RIPK1: variants seen among roughly 807,000 people sequenced by gnomAD.
The protein encoded by RIPK1 is receptor-interacting serine/threonine-protein kinase 1.
A neutral mutation model predicts 62.4 loss-of-function variants in RIPK1; 27 were observed. That is an observed-to-expected ratio of 0.43 (90% CI 0.32 to 0.60). The LOEUF (loss-of-function observed/expected upper bound fraction) is 0.60, where lower values mean the gene tolerates loss of function less well. Ranked by LOEUF, RIPK1 falls within the 20% of genes least tolerant of loss-of-function variation. RIPK1 has a pLI of 0.07. For missense variants in RIPK1, 735 were observed against 831.0 expected, an observed-to-expected ratio of 0.88 and a Z score of 1.42; for synonymous variants, 287 against 303.2, an observed-to-expected ratio of 0.95 and a Z score of 0.55.
intron 4 of RIPK1, among the ~76,000 whole-genome samples, chr6:3,081,445 T>C (rs538023211): frequency 1.3e-5 from 2 of 152,312 alleles, no homozygotes; most frequent in Admixed American, 6.5e-5. Flanking sequence ...CATCCTGGAA[T>C]GGGCCATTGG....
At chr6:3,089,719 A>C in intron 7 of RIPK1, 62 bp downstream of exon 7, 1 of 903,462 alleles carries the variant, frequency 1.1e-6, no homozygotes, top group Non-Finnish European at 1.8e-6. Context: ...TCAATCATGA[A>C]AACCAAAACA....
chr6:3,073,182 A>G (rs1333194669), intron 1 of RIPK1, among the ~76,000 whole-genome samples: 2 of 151,736 alleles, frequency 1.3e-5, no homozygotes, highest in East Asian at 3.9e-4. Context: ...ATATCTACAT[A>G]TACAATATAT....
Position 3,105,790 on chromosome 6 carries a change from T to C in RIPK1, c.1315T>C (p.Tyr439His). ...FQNTEGKGTAYSSAASHGNAV... is the reference protein window; with the variant it reads ...FQNTEGKGTAHSSAASHGNAV... ...GAATACAGAGGGAAAAGGCACTGCT[T>C]ATTCCAGTGCAGCCAGTCATGGTAA... The change falls in exon 9 of 11, where the codon TAT (tyrosine) becomes CAT (histidine). Residue 439 changes from tyrosine to histidine, a missense_variant. This residue lies in a region of RIPK1 where 671 missense variants were observed against 726.2 expected (regional missense o/e 0.92). Transcript: ENST00000259808. This position sits in a 1 kb window ranked among gnomAD's most constrained non-coding sequence, Gnocchi z 4.5. 1 of 1,614,182 alleles carries C rather than the reference T, an allele frequency of 6.2e-7. No individual in the cohort carries two copies. The highest frequency in any genetic ancestry group is 8.5e-7 in the Non-Finnish European group (1 of 1,180,016).
intron 9 of RIPK1, among the ~76,000 whole-genome samples, chr6:3,107,557 T>A (rs1760921277): frequency 8.2e-6 from 1 of 121,968 alleles, no homozygotes; most frequent in African/African-American, 3.9e-5. Context: ...AGAGCGAGAC[T>A]GTCGCAAAAA....
Position 3,077,921 on chromosome 6 carries a change from G to A in RIPK1, c.307G>A (p.Val103Met), listed in dbSNP as rs541910510. 3.2e-5 allele frequency: 52 copies of A among 1,614,048 alleles called. No homozygotes were observed. Among genetic ancestry groups the A allele is most frequent in the African/African-American group, 9.3e-5 (7 of 75,062 alleles). The change falls in exon 3 of 11, where the codon GTG (valine) becomes ATG (methionine). Residue 103 changes from valine (V) to methionine (M), a missense_variant. By Grantham distance (21) the Val-to-Met change is conservative (BLOSUM62 1). Around this residue, in one of 2 missense-constraint regions of RIPK1, gnomAD observed 671 missense variants for 726.2 expected, o/e 0.92. Transcript: ENST00000259808. ...EYMEKGNLMH[V>M]LKAEMSTPLS... ...CATGGAGAAGGGCAACCTGATGCACGTGCTGAAAGCCGAGGTAGAGAGGGC... is the reference window on the plus strand; with the variant it reads ...CATGGAGAAGGGCAACCTGATGCACATGCTGAAAGCCGAGGTAGAGAGGGC...
In RIPK1 at chr6:3,111,102, T is replaced by C. The variant is rs555574325; in HGVS notation, c.1729+147T>C. ...CTGCAAAATATCTTTGTAATTTCCA[T>C]ATAATTCCTTTGTCATTTATTTATT... On this transcript the variant is annotated intron_variant, in intron 10 of 10. Coordinates refer to ENST00000259808, the MANE Select transcript of RIPK1 (RefSeq NM_001354930.2). 33 of 516,676 alleles carry C rather than the reference T, an allele frequency of 6.4e-5. 1 individual carries two copies. Among genetic ancestry groups the C allele is most frequent in the African/African-American group, 5.6e-4 (29 of 51,672 alleles). 32.0% of individuals were successfully genotyped at this position (516,676 alleles called of 1,614,324 possible). A position where few individuals can be genotyped will look rare whatever the true frequency, so the allele number is the denominator to read the frequency against.
intron 1 of RIPK1, among the ~76,000 whole-genome samples, chr6:3,073,926 C>T (rs1286016413): frequency 6.6e-6 from 1 of 152,248 alleles, no homozygotes; most frequent in African/African-American, 2.4e-5. Flanking sequence ...GTGTAATTCT[C>T]CATCTCCTTT....
chr6:3,079,299 C>T (rs1025416512), intron 3 of RIPK1, among the ~76,000 whole-genome samples: 5 of 152,018 alleles, frequency 3.3e-5, no homozygotes, highest in African/African-American at 9.7e-5. Flanking sequence ...AGGCTGGTCT[C>T]GAACTCCTGA....
At chr6:3,111,046 AATTCTTCTTGAAAGTTTTCTT>A (rs1221463922) in intron 10 of RIPK1, 91 bp downstream of exon 10, 6 of 902,640 alleles carry the variant, frequency 6.6e-6, no homozygotes, top group Non-Finnish European at 7.8e-6. Flanking sequence ...TTTCTCTGAT[AATTCTTCTTGAAAGTTTTCTT>A]ATGTTACTTC....
intron 1 of RIPK1, among the ~76,000 whole-genome samples, chr6:3,070,638 A>G (rs950276919): frequency 1.3e-4 from 20 of 152,164 alleles, no homozygotes; most frequent in Non-Finnish European, 2.1e-4. Flanking sequence ...GGGCTTCACC[A>G]CGTTGGCCAA....
chr6:3,067,872 A>G (rs1484864730), upstream of RIPK1, among the ~76,000 whole-genome samples: 3 of 151,896 alleles, frequency 2.0e-5, no homozygotes, highest in Non-Finnish European at 4.4e-5. Flanking sequence ...CCTCCCGAGT[A>G]GCTGGGATTG....
At position 3,113,237 on chromosome 6, in the gene RIPK1, G is replaced by C; in HGVS notation, c.1914G>C (p.Arg638Ser). 2 of 1,614,120 alleles carry C rather than the reference G, an allele frequency of 1.2e-6. No individual in the cohort carries two copies. Among genetic ancestry groups the C allele is most frequent in the Non-Finnish European group, 1.7e-6 (2 of 1,180,022 alleles). Residue 638 changes from arginine to serine, a missense_variant, in exon 11 of 11, where the codon AGG becomes AGC. Physicochemically the swap from Arg to Ser is moderately radical, Grantham distance 110 (BLOSUM62 -1). Around this residue, in one of 2 missense-constraint regions of RIPK1, gnomAD observed 64 missense variants for 104.8 expected, o/e 0.61. Transcript: ENST00000259808. The surrounding 1 kb of genome is among the most constrained non-coding windows in gnomAD (Gnocchi z 5.0). ...AGATGCTCCAAAAGTGGGTGATGAG[G>C]GAAGGCATAAAGGGAGCCACGGTGG... is the stretch of plus-strand genomic sequence containing the variant. ...VYQMLQKWVM[R>S]EGIKGATVGK...
intron 1 of RIPK1, among the ~76,000 whole-genome samples, chr6:3,074,767 C>T (rs1378522586): frequency 1.3e-5 from 2 of 152,082 alleles, no homozygotes; most frequent in African/African-American, 2.4e-5. Context: ...CTGCAACCTC[C>T]GCCTCCCAAA....
At chr6:3,085,122 T>C in intron 5 of RIPK1, 137 bp from the exon 6 acceptor site, 1 of 835,588 alleles carries the variant, frequency 1.2e-6, no homozygotes, top group Non-Finnish European at 1.9e-6. Context: ...TGTCAGCTCC[T>C]TGTCATAAGG....
chr6:3,087,799 A>G (rs17548418), intron 6 of RIPK1, among the ~76,000 whole-genome samples: 8,245 of 48,372 alleles, frequency 0.17, 771 homozygotes, highest in African/African-American at 0.23. Context: ...TCGGCCTCCC[A>G]AAGTGTGGGA....
rs952122809 is a variant in RIPK1, at chr6:3,068,522, G to C, written c.-200G>C. The C allele has an allele frequency of 1.4e-5, 14 of 985,128 alleles. No homozygotes were observed. Among genetic ancestry groups the C allele is most frequent in the Non-Finnish European group, 1.7e-5 (14 of 829,836 alleles). 61.0% of individuals were successfully genotyped at this position (985,128 alleles called of 1,614,324 possible). A position where few individuals can be genotyped will look rare whatever the true frequency, so the allele number is the denominator to read the frequency against. On this transcript the variant is annotated 5_prime_UTR_variant, in exon 1 of 11. Coordinates refer to ENST00000259808, the MANE Select transcript of RIPK1 (RefSeq NM_001354930.2). ...CCACGCCCTCCAGCCGGGCGCGCTC[G>C]ACGCGGACGGCGGGCCAGCTGCCGG... is the stretch of plus-strand genomic sequence containing the variant.
upstream of RIPK1, among the ~76,000 whole-genome samples, chr6:3,065,289 AAAG>A (rs75853526): frequency 1.1e-3 from 143 of 129,822 alleles, 1 homozygote; most frequent in Non-Finnish European, 1.9e-3. Flanking sequence ...AAAAAAAAAA[AAAG>A]ACACGGCTTT....
upstream of RIPK1, among the ~76,000 whole-genome samples, chr6:3,065,972 G>A (rs901577142): frequency 6.6e-6 from 1 of 152,162 alleles, no homozygotes; most frequent in Non-Finnish European, 1.5e-5. Flanking sequence ...GACAGTGATG[G>A]GCAATAACTT....
At chr6:3,080,806 C>G (rs532170967) in intron 3 of RIPK1, among the ~76,000 whole-genome samples, 173 bp from the exon 4 acceptor site, 61 of 151,798 alleles carry the variant, frequency 4.0e-4, no homozygotes, top group Middle Eastern at 3.4e-3. Flanking sequence ...TCTGCCCCCC[C>G]CCGAATGAAA....
Sources: allele counts gnomAD v4.1 joint callset (sites outside exome capture counted in the v4.1 genomes callset), GRCh38; gene constraint gnomAD v4.1.1; regional missense constraint gnomAD v4.1.1; non-coding constraint Gnocchi (gnomAD v3.1); transcripts MANE v1.5; gene names NCBI Gene and HGNC (gene_info 2026-07-23, HGNC 2026-07-21).